The following HMOX1 variants were observed in gnomAD, a reference collection of about 807,000 sequenced individuals.
HMOX1 encodes heme oxygenase 1.
Under a neutral mutation model 27.8 loss-of-function variants are expected in HMOX1, and 22 were observed. The ratio of observed to expected loss-of-function variants is 0.79; its 90% confidence interval spans 0.57 to 1.13. HMOX1 has a LOEUF of 1.13. Among genes scored for constraint, HMOX1 ranks in the 50% most tolerant of loss-of-function variants. HMOX1 has a pLI of 0.00. For synonymous variants in HMOX1, 153 were observed against 151.6 expected, an observed-to-expected ratio of 1.01 and a Z score of -0.07; for missense variants, 379 against 377.7, an observed-to-expected ratio of 1.00 and a Z score of -0.03.
intron 2 of HMOX1, among the ~76,000 whole-genome samples, 184 bp downstream of exon 2, chr22:35,383,410 A>C (rs901974944): frequency 6.6e-6 from 1 of 152,132 alleles, no homozygotes; most frequent in African/African-American, 2.4e-5. Flanking sequence ...GTCACACAGC[A>C]AGTTCAGCCT....
chr22:35,392,338 T>A (rs766234294), intron 4 of HMOX1, among the ~76,000 whole-genome samples: 1 of 152,196 alleles, frequency 6.6e-6, no homozygotes, highest in African/African-American at 2.4e-5. Flanking sequence ...GGATCCTTGG[T>A]TGCATTTGAG....
intron 4 of HMOX1, among the ~76,000 whole-genome samples, chr22:35,392,208 C>T (rs553154825): frequency 1.0e-4 from 14 of 134,642 alleles, no homozygotes; most frequent in South Asian, 2.4e-4. Context: ...TGGGCGACAG[C>T]GAGACTCCAT....
chr22:35,393,805 A>G lies in HMOX1; in HGVS notation c.*207A>G. 1.6e-6 allele frequency: 1 copy of G among 636,486 alleles called. No individual in the cohort carries two copies. Among genetic ancestry groups the G allele is most frequent in the Non-Finnish European group, 2.8e-6 (1 of 355,546 alleles). The allele number at this position is 636,486 out of a possible 1,614,324, so 39.4% of individuals were successfully genotyped here. ...GAAAAGCACATCCAGGCAATGGCCT[A>G]AACTTCAGAGGGGGCGAAGGGATCA... is the stretch of plus-strand genomic sequence containing the variant. On this transcript the variant is annotated 3_prime_UTR_variant, in exon 5 of 5. Transcript: ENST00000216117.
chr22:35,391,389 G>A (rs1406777811), intron 4 of HMOX1, among the ~76,000 whole-genome samples: 7 of 151,512 alleles, frequency 4.6e-5, no homozygotes, highest in Admixed American at 6.6e-5. Flanking sequence ...CCAGGTTCAC[G>A]CCATTCTCCT....
chr22:35,393,888 G>A lies in HMOX1; in HGVS notation c.*290G>A, dbSNP rs1931793357. 4.8e-6 allele frequency: 2 copies of A among 417,918 alleles called. No individual in the cohort carries two copies. Among genetic ancestry groups the A allele is most frequent in the Non-Finnish European group, 9.0e-6 (2 of 221,402 alleles). 25.9% of individuals were successfully genotyped at this position (417,918 alleles called of 1,614,324 possible). ...CAGAGCCTGGAAGACACCCTAATGTGGCAGCTGTCTCAAACCTCCAAAAGC... is the reference window on the plus strand; with the variant it reads ...CAGAGCCTGGAAGACACCCTAATGTAGCAGCTGTCTCAAACCTCCAAAAGC... On this transcript the variant is annotated 3_prime_UTR_variant, in exon 5 of 5. Coordinates refer to ENST00000216117, the MANE Select transcript of HMOX1 (RefSeq NM_002133.3).
At chr22:35,392,782 A>G (rs1368180210) in intron 4 of HMOX1, among the ~76,000 whole-genome samples, 1 of 151,168 alleles carries the variant, frequency 6.6e-6, no homozygotes, top group Non-Finnish European at 1.5e-5. Context: ...CAGTGGCGCA[A>G]TCTTGGCTCA....
intron 3 of HMOX1, 92 bp from the exon 4 acceptor site, chr22:35,389,772 A>G: frequency 2.3e-6 from 2 of 881,012 alleles, no homozygotes; most frequent in East Asian, 5.3e-5. Context: ...TTATTTCCAA[A>G]GTATTTCCTA....
At chr22:35,385,536 C>T (rs1407068838) in intron 2 of HMOX1, among the ~76,000 whole-genome samples, 1 of 149,650 alleles carries the variant, frequency 6.7e-6, no homozygotes, top group African/African-American at 2.5e-5. Context: ...AAATCCTGGG[C>T]TCAAGTGATA....
intron 3 of HMOX1, among the ~76,000 whole-genome samples, chr22:35,389,254 C>CTTT (rs1204661876): frequency 1.5e-5 from 1 of 65,972 alleles, no homozygotes; most frequent in East Asian, 5.1e-4. Flanking sequence ...TTTCTTTTCT[C>CTTT]TCTCTCTCTC....
At chr22:35,383,944 C>T (rs980928359) in intron 2 of HMOX1, among the ~76,000 whole-genome samples, 3 of 149,586 alleles carry the variant, frequency 2.0e-5, no homozygotes, top group East Asian at 2.0e-4. Context: ...AAAACATCAG[C>T]GTGGGGAAGA....
At chr22:35,387,231 G>A (rs978054488) in intron 3 of HMOX1, 55 bp downstream of exon 3, 2 of 1,608,058 alleles carry the variant, frequency 1.2e-6, no homozygotes, top group Non-Finnish European at 8.5e-7. Context: ...TTCCTCCAAG[G>A]GACCCTTCTC....
In HMOX1 at chr22:35,389,937, G is replaced by T. The variant is rs183007438; in HGVS notation, c.710G>T (p.Arg237Leu). ...DQSPSRAPGL[R>L]QRASNKVQDS... ...AGCCCCTCACGGGCACCAGGGCTTC[G>T]CCAGCGGGCCAGCAACAAAGTGCAA... Residue 237 changes from arginine (R) to leucine (L), a missense_variant, in exon 4 of 5, where the codon CGC becomes CTC. Physicochemically the swap from Arg to Leu is moderately radical, Grantham distance 102. Transcript: ENST00000216117. The T allele has an allele frequency of 6.2e-7, 1 of 1,611,280 alleles. No homozygotes were observed. The highest frequency in any genetic ancestry group is 8.5e-7 in the Non-Finnish European group (1 of 1,179,506).
intron 1 of HMOX1, chr22:35,381,408 A>G: frequency 3.2e-6 from 2 of 622,120 alleles, no homozygotes; most frequent in South Asian, 3.9e-5. Context: ...GCACCCTGGT[A>G]TGCGGTTGGT....
rs537832562 is a variant in HMOX1, at chr22:35,390,063, G to T, written c.736+100G>T. 10 of 859,282 alleles carry T rather than the reference G, an allele frequency of 1.2e-5. No individual in the cohort carries two copies. In the South Asian group the frequency reaches 1.4e-4, roughly 12 times the overall value. The allele number at this position is 859,282 out of a possible 1,614,324, so 53.2% of individuals were successfully genotyped here. On this transcript the variant is annotated intron_variant, in intron 4 of 4. Coordinates refer to ENST00000216117, the MANE Select transcript of HMOX1 (RefSeq NM_002133.3). ...TATTCCTCTGTTTTCTGAATGTTTG[G>T]TGGTGGTGGGTGTTGTTTCCTGCTG...
At chr22:35,387,212 C>A in intron 3 of HMOX1, 36 bp downstream of exon 3, 1 of 1,612,228 alleles carries the variant, frequency 6.2e-7, no homozygotes, top group Non-Finnish European at 8.5e-7. Context: ...CCTCTGCCTC[C>A]CCCCGTTGTT....
rs748004359 is a variant in HMOX1, at chr22:35,393,474, C to T, written c.743C>T (p.Ala248Val). 3.7e-5 allele frequency: 60 copies of T among 1,613,986 alleles called. No individual in the cohort carries two copies. Among genetic ancestry groups the T allele is most frequent in the Admixed American group, 8.3e-5 (5 of 60,004 alleles). ...QRASNKVQDS[A>V]PVETPRGKPP... is the part of the protein sequence containing the mutation. ...GCCCCATTTTCTCTTTCAGATTCTG[C>T]CCCCGTGGAGACTCCCAGAGGGAAG... Residue 248 changes from alanine to valine, a missense_variant, in exon 5 of 5, where the codon GCC (alanine) becomes GTC (valine). Coordinates refer to ENST00000216117, the MANE Select transcript of HMOX1 (RefSeq NM_002133.3).
At chr22:35,390,524 C>T (rs1035656792) in intron 4 of HMOX1, among the ~76,000 whole-genome samples, 26 of 152,204 alleles carry the variant, frequency 1.7e-4, no homozygotes, top group African/African-American at 5.5e-4. Flanking sequence ...TCACTGTGCC[C>T]GGCCACCTGC....
chr22:35,387,253 G>A (rs962459922), intron 3 of HMOX1, 77 bp downstream of exon 3: 2 of 1,551,340 alleles, frequency 1.3e-6, no homozygotes, highest in Non-Finnish European at 1.8e-6. Context: ...TTGTAGGGGA[G>A]GGTGCTATAG....
chr22:35,390,145 T>G (rs901162374), intron 4 of HMOX1, 182 bp downstream of exon 4: 1 of 640,118 alleles, frequency 1.6e-6, no homozygotes, highest in Non-Finnish European at 2.8e-6. Context: ...AGGCCAGTCT[T>G]GAACACCTGA....
Sources: gnomAD v4.1 joint callset for allele counts (sites outside exome capture counted in the v4.1 genomes callset) on GRCh38, gnomAD v4.1.1 for gene constraint, MANE v1.5 for transcripts, NCBI Gene and HGNC (gene_info 2026-07-23, HGNC 2026-07-21) for gene names.